Variants in KIF6 observed in about 807,000 individuals in gnomAD.
KIF6 encodes the protein kinesin-like protein KIF6.
KIF6 carries 106 observed loss-of-function variants against 112.7 expected under a neutral mutation model. The observed-to-expected ratio is 0.94, with a 90% CI of 0.80 to 1.11. The LOEUF (loss-of-function observed/expected upper bound fraction) is 1.11, where lower values mean the gene tolerates loss of function less well. KIF6 is among the 50% of genes least tolerant of loss of function. The pLI is 0.00. For missense variants in KIF6, 929 were observed against 964.0 expected, an observed-to-expected ratio of 0.96 and a Z score of 0.48; for synonymous variants, 339 against 339.9, an observed-to-expected ratio of 1.00 and a Z score of 0.03.
chr6:39,448,104 C>T (rs922617681), intron 13 of KIF6, among the ~76,000 whole-genome samples: 4 of 152,120 alleles, frequency 2.6e-5, no homozygotes, highest in African/African-American at 9.7e-5. Flanking sequence ...CCATCAGCCT[C>T]GGTCTCTGGG....
At position 39,603,545 on chromosome 6, in the gene KIF6, G is replaced by GGT. The variant is rs576004780; in HGVS notation, c.640-7287_640-7286dup. On this transcript the variant is annotated intron_variant, in intron 6 of 22. Coordinates refer to ENST00000287152, the MANE Select transcript of KIF6 (RefSeq NM_145027.6). ...GGTGATGCATTTTTTTTTTGTGGGGGGTGTGTGTGTGTGCGTGTGTGTCCA... is the reference window on the plus strand; with the variant it reads ...GGTGATGCATTTTTTTTTTGTGGGGGGTGTGTGTGTGTGTGCGTGTGTGTCCA... Among the ~76,000 whole-genome samples the GGT allele has an allele frequency of 7.1e-3, 1,066 of 150,782 alleles. 16 individuals are homozygous for GGT. Among genetic ancestry groups the GGT allele is most frequent in the African/African-American group, 0.025 (1,012 of 41,106 alleles).
intron 13 of KIF6, among the ~76,000 whole-genome samples, chr6:39,485,932 A>C (rs969994988): frequency 1.3e-5 from 2 of 152,208 alleles, no homozygotes; most frequent in Non-Finnish European, 2.9e-5. Context: ...TCCCCATTTC[A>C]TAGATGAGAA....
At chr6:39,382,014 G>C (rs781253917) in intron 16 of KIF6, among the ~76,000 whole-genome samples, 4 of 152,184 alleles carry the variant, frequency 2.6e-5, no homozygotes, top group Non-Finnish European at 1.5e-5. Context: ...CCAGCTGGAA[G>C]GACCATCCCT....
chr6:39,683,813 G>A (rs1787672884), intron 3 of KIF6, among the ~76,000 whole-genome samples: 1 of 152,160 alleles, frequency 6.6e-6, no homozygotes. Context: ...GGAATTAGAT[G>A]TACAAGAGAG....
At chr6:39,360,256 C>G in intron 18 of KIF6, 139 bp downstream of exon 18, 1 of 887,262 alleles carries the variant, frequency 1.1e-6, no homozygotes, top group South Asian at 1.8e-5. Flanking sequence ...CTTGTTACTA[C>G]AGTGAGCACC....
At chr6:39,455,660 C>G (rs1296653417) in intron 13 of KIF6, among the ~76,000 whole-genome samples, 1 of 147,982 alleles carries the variant, frequency 6.8e-6, no homozygotes, top group African/African-American at 2.5e-5. Flanking sequence ...ATAACCAATA[C>G]AGAGAAGTGC....
chr6:39,425,004 T>C (rs1188555644), intron 14 of KIF6, among the ~76,000 whole-genome samples: 2 of 152,146 alleles, frequency 1.3e-5, no homozygotes, highest in Non-Finnish European at 2.9e-5. Context: ...GTGGGGTGTG[T>C]CAGGCGGAGA....
chr6:39,571,362 T>C (rs1402872417), intron 10 of KIF6, among the ~76,000 whole-genome samples: 1 of 152,188 alleles, frequency 6.6e-6, no homozygotes, highest in Non-Finnish European at 1.5e-5. Context: ...TCCAATTCTA[T>C]GAGAGGAGTA....
Position 39,345,798 on chromosome 6 carries a change from CACAA to C in KIF6, c.2232-13_2232-10del, listed in dbSNP as rs377710231. On this transcript the variant is annotated splice_polypyrimidine_tract_variant and intron_variant, in intron 20 of 22. Coordinates refer to ENST00000287152, the MANE Select transcript of KIF6 (RefSeq NM_145027.6). ...TCCTGGCATTCACATCACTGCAAAA[CACAA>C]ACAAACAAAAGCAAAAGGAATGGGG... 276 of 1,608,476 alleles carry C rather than the reference CACAA, an allele frequency of 1.7e-4. No homozygotes were observed. The African/African-American group carries it at 2.6e-3, about 15-fold the overall frequency.
chr6:39,531,971 C>CT (rs1369378087), intron 13 of KIF6, among the ~76,000 whole-genome samples: 2 of 152,130 alleles, frequency 1.3e-5, no homozygotes, highest in Non-Finnish European at 2.9e-5. Context: ...TAAAATGCTC[C>CT]TTCCACCACA....
At chr6:39,561,726 T>C (rs1200519330) in intron 10 of KIF6, among the ~76,000 whole-genome samples, 1 of 152,134 alleles carries the variant, frequency 6.6e-6, no homozygotes, top group East Asian at 1.9e-4. Context: ...AACATGATGC[T>C]TTGGAGGCTG....
chr6:39,583,415 A>G (rs1322898979), intron 9 of KIF6: 2 of 471,456 alleles, frequency 4.2e-6, no homozygotes, highest in Non-Finnish European at 8.8e-6. Context: ...CCTTTGCTGA[A>G]ACAGATCCTG....
chr6:39,423,464 C>T (rs1770528216), intron 14 of KIF6, among the ~76,000 whole-genome samples: 1 of 152,034 alleles, frequency 6.6e-6, no homozygotes, highest in South Asian at 2.1e-4. Context: ...AGGCCCACTC[C>T]TCATTTTCCC....
intron 13 of KIF6, among the ~76,000 whole-genome samples, chr6:39,527,960 A>G (rs745998069): frequency 2.0e-5 from 3 of 152,202 alleles, no homozygotes; most frequent in Non-Finnish European, 2.9e-5. Flanking sequence ...AATACTTATC[A>G]TTTCTTTGTG....
At chr6:39,605,746 A>T in intron 6 of KIF6, among the ~76,000 whole-genome samples, 1 of 152,172 alleles carries the variant, frequency 6.6e-6, no homozygotes, top group Non-Finnish European at 1.5e-5. Context: ...ACAGATGTCC[A>T]GTGGTAGGCA....
chr6:39,631,212 CT>C (rs945248907), intron 5 of KIF6, among the ~76,000 whole-genome samples: 33 of 140,614 alleles, frequency 2.3e-4, no homozygotes, highest in East Asian at 4.2e-4. Flanking sequence ...GTTTCCTCTG[CT>C]TTTTTTTTTT....
intron 3 of KIF6, among the ~76,000 whole-genome samples, chr6:39,707,283 G>A (rs1789270153): frequency 6.6e-6 from 1 of 152,180 alleles, no homozygotes; most frequent in Admixed American, 6.5e-5. Flanking sequence ...ACATAGGGGT[G>A]GAGTCACGGG....
chr6:39,430,636 C>T (rs987559818), intron 14 of KIF6, among the ~76,000 whole-genome samples: 3 of 152,198 alleles, frequency 2.0e-5, no homozygotes, highest in Admixed American at 6.5e-5. Flanking sequence ...ACAAGATGTG[C>T]ACATATTTTC....
intron 10 of KIF6, among the ~76,000 whole-genome samples, chr6:39,556,772 T>C (rs560518667): frequency 2.0e-5 from 3 of 152,216 alleles, no homozygotes; most frequent in South Asian, 2.1e-4. Flanking sequence ...TAAGGGCCAG[T>C]TGGAAGTGGG....
Sources: gnomAD v4.1 joint callset for allele counts (sites outside exome capture counted in the v4.1 genomes callset) on GRCh38, gnomAD v4.1.1 for gene constraint, MANE v1.5 for transcripts, NCBI Gene and HGNC (gene_info 2026-07-23, HGNC 2026-07-21) for gene names.